Variants in AFDN observed in about 807,000 individuals in gnomAD.
AFDN encodes afadin, adherens junction formation factor, also known as afadin.
A neutral mutation model predicts 216.6 loss-of-function variants in AFDN; 68 were observed. The ratio of observed to expected loss-of-function variants is 0.31; its 90% CI spans 0.26 to 0.38. The LOEUF is 0.38. AFDN is among the 10% of genes least tolerant of loss of function. The pLI, the probability that AFDN is intolerant of heterozygous loss-of-function variation, is 1.00. For synonymous variants in AFDN, 868 were observed against 853.7 expected (o/e 1.02, Z -0.29); for missense variants, 2,136 against 2,342.0 (o/e 0.91, Z 1.82).
chr6:167,920,185 A>G (rs1791599539), intron 21 of AFDN, among the ~76,000 whole-genome samples: 1 of 152,168 alleles, frequency 6.6e-6, no homozygotes, highest in Admixed American at 6.5e-5. Context: ...GGGTAGGAGC[A>G]GGAGTAGGCA....
chr6:167,957,039 G>T (rs1159663192), intron 30 of AFDN, among the ~76,000 whole-genome samples: 1 of 152,118 alleles, frequency 6.6e-6, no homozygotes, highest in African/African-American at 2.4e-5. Flanking sequence ...TTGCCCACTG[G>T]CCCTCCAGCC....
At chr6:167,843,636 T>G (rs1583123086) in intron 1 of AFDN, among the ~76,000 whole-genome samples, 1 of 152,232 alleles carries the variant, frequency 6.6e-6, no homozygotes, top group East Asian at 1.9e-4. Context: ...ATTTGAAGAC[T>G]TTTATTTAAA....
Position 167,911,129 on chromosome 6 carries a change from A to ATAC in AFDN, c.1802_1804dup (p.Leu601dup). On this transcript the variant is annotated inframe_insertion, in exon 14 of 34. Coordinates refer to ENST00000683244, the MANE Select transcript of AFDN (RefSeq NM_001386888.1). ...ACAGGATGCTTCTGGGCCTGAGCTG[A>ATAC]TACTACCTGCAAGCATTGAATTCAG... The ATAC allele has an allele frequency of 6.2e-7, 1 of 1,613,964 alleles. No homozygotes were observed. The highest frequency in any genetic ancestry group is 1.3e-5 in the African/African-American group (1 of 75,042).
At chr6:167,950,398 C>CTG (rs3839648) in intron 29 of AFDN, among the ~76,000 whole-genome samples, 42,553 of 148,752 alleles carry the variant, frequency 0.29, 6,706 homozygotes, top group East Asian at 0.58. Flanking sequence ...TTCTCTGTGT[C>CTG]TGTGTGTGTG....
chr6:167,932,730 G>T (rs1016666450), intron 23 of AFDN: 4 of 152,184 alleles, frequency 2.6e-5, no homozygotes, highest in African/African-American at 9.7e-5. Context: ...TGAAAATGTG[G>T]TTCTCTGTTG....
intron 9 of AFDN, 52 bp from the exon 10 acceptor site, chr6:167,896,826 G>T: frequency 1.9e-6 from 2 of 1,056,984 alleles, no homozygotes; most frequent in South Asian, 2.7e-5. Context: ...GAAATAACAT[G>T]ACAGTAATAT....
At chr6:167,887,290 A>G (rs899082260) in intron 6 of AFDN, among the ~76,000 whole-genome samples, 1 of 149,642 alleles carries the variant, frequency 6.7e-6, no homozygotes, top group Admixed American at 6.6e-5. Flanking sequence ...ACAGTCCCTT[A>G]TGAAGTCATT....
intron 33 of AFDN, among the ~76,000 whole-genome samples, 175 bp from the exon 34 acceptor site, chr6:167,969,607 T>C (rs538010186): frequency 6.6e-6 from 1 of 152,232 alleles, no homozygotes; most frequent in South Asian, 2.1e-4. Flanking sequence ...ATGTTGCCCT[T>C]TTTTTCTAGA....
intron 27 of AFDN, 115 bp downstream of exon 27, chr6:167,947,016 C>T: frequency 2.2e-6 from 2 of 914,244 alleles, no homozygotes; most frequent in Non-Finnish European, 1.6e-6. Context: ...CATTGGCTAA[C>T]TAGGATATGG....
chr6:167,967,234 G>T (rs1797658223), intron 32 of AFDN, among the ~76,000 whole-genome samples: 1 of 152,112 alleles, frequency 6.6e-6, no homozygotes, highest in Non-Finnish European at 1.5e-5. Flanking sequence ...GCATCATTCT[G>T]CATAAGCAAT....
chr6:167,959,712 T>C (rs1357934731), intron 30 of AFDN, among the ~76,000 whole-genome samples: 2 of 152,040 alleles, frequency 1.3e-5, no homozygotes, highest in Non-Finnish European at 2.9e-5. Flanking sequence ...TACACACACA[T>C]ATATATGTAT....
chr6:167,886,500 G>T (rs1011364924), intron 6 of AFDN, among the ~76,000 whole-genome samples: 1 of 152,094 alleles, frequency 6.6e-6, no homozygotes, highest in African/African-American at 2.4e-5. Flanking sequence ...GTGGTGTGTT[G>T]CCCTGACAGT....
intron 20 of AFDN, among the ~76,000 whole-genome samples, chr6:167,918,315 G>A (rs112149425): frequency 6.6e-6 from 1 of 151,890 alleles, no homozygotes; most frequent in Non-Finnish European, 1.5e-5. Flanking sequence ...ATTTGATTCC[G>A]GTCTTTTATA....
chr6:167,877,569 A>G (rs1785533356), intron 5 of AFDN, among the ~76,000 whole-genome samples: 1 of 152,202 alleles, frequency 6.6e-6, no homozygotes, highest in South Asian at 2.1e-4. Flanking sequence ...GGAAACTCTT[A>G]ACTAAATATT....
intron 5 of AFDN, among the ~76,000 whole-genome samples, chr6:167,878,173 C>T (rs1785627054): frequency 6.6e-6 from 1 of 151,938 alleles, no homozygotes; most frequent in African/African-American, 2.4e-5. Context: ...TAGCGGGGCA[C>T]TGTGAAGTGC....
chr6:167,877,892 C>CA (rs1463602526), intron 5 of AFDN, among the ~76,000 whole-genome samples: 1 of 152,092 alleles, frequency 6.6e-6, no homozygotes, highest in Non-Finnish European at 1.5e-5. Context: ...TTGTTAAACT[C>CA]ACCTCACAGC....
At chr6:167,861,912 G>T (rs2128220872) in intron 1 of AFDN, among the ~76,000 whole-genome samples, 1 of 152,284 alleles carries the variant, frequency 6.6e-6, no homozygotes, top group East Asian at 1.9e-4. Flanking sequence ...GAGTACTATG[G>T]AGATTAATTG....
At chr6:167,895,019 G>A (rs1361727129) in intron 9 of AFDN, among the ~76,000 whole-genome samples, 2 of 151,982 alleles carry the variant, frequency 1.3e-5, no homozygotes, top group Non-Finnish European at 1.5e-5. Context: ...ATTGCATTCA[G>A]TTTTCTTTAT....
At chr6:167,876,273 C>T (rs1244549224) in intron 5 of AFDN, among the ~76,000 whole-genome samples, 1 of 152,258 alleles carries the variant, frequency 6.6e-6, no homozygotes, top group East Asian at 1.9e-4. Flanking sequence ...TTTCACAGGA[C>T]TTGTAGTGCC....
Sources: gnomAD v4.1 joint callset for allele counts (sites outside exome capture counted in the v4.1 genomes callset) on GRCh38, gnomAD v4.1.1 for gene constraint, MANE v1.5 for transcripts, NCBI Gene and HGNC (gene_info 2026-07-23, HGNC 2026-07-21) for gene names.